The following VASP variants were observed in gnomAD, a reference collection of about 807,000 sequenced individuals.
VASP encodes the protein vasodilator stimulated phosphoprotein.
VASP carries 27 observed loss-of-function variants against 54.4 expected under a neutral mutation model. The ratio of observed to expected loss-of-function variants is 0.50; its 90% CI spans 0.37 to 0.68. The LOEUF (loss-of-function observed/expected upper bound fraction) is 0.68. VASP is among the 30% of genes least tolerant of loss of function. The probability of loss-of-function intolerance (pLI) is 0.00; values close to 1 mark genes in which losing one functional copy is unlikely to be tolerated. For synonymous variants in VASP, 233 were observed against 209.8 expected (o/e 1.11, Z -0.96); for missense variants, 488 against 528.3 (o/e 0.92, Z 0.75).
chr19:45,516,259 A>T (rs1968698955), intron 1 of VASP, among the ~76,000 whole-genome samples: 2 of 152,164 alleles, frequency 1.3e-5, no homozygotes, highest in Admixed American at 1.3e-4. Flanking sequence ...CTGTGTCTTC[A>T]TCCCCAGCCC....
chr19:45,517,738 C>T lies in VASP; in HGVS notation c.81C>T (p.Gly27=). 2.5e-6 allele frequency: 4 copies of T among 1,613,412 alleles called. No individual in the cohort carries two copies. The South Asian group carries it at 4.4e-5, about 18-fold the overall frequency. The part of the protein sequence containing the change: ...DDGNKRWLPA[G]TGPQAFSRVQ... ...GCAACAAGCGATGGCTCCCTGCTGG[C>T]ACGGGTCCCCAGGCCTTCAGCCGCG... Residue 27 remains glycine, a synonymous_variant, in exon 2 of 13, where the codon GGC becomes GGT. Coordinates refer to ENST00000245932, the MANE Select transcript of VASP (RefSeq NM_003370.4).
In VASP at chr19:45,526,248, A is replaced by T; in HGVS notation, c.*71A>T. 6.5e-7 allele frequency: 1 copy of T among 1,538,990 alleles called. No individual in the cohort carries two copies. Among genetic ancestry groups the T allele is most frequent in the Non-Finnish European group, 8.7e-7 (1 of 1,144,856 alleles). On this transcript the variant is annotated 3_prime_UTR_variant, in exon 13 of 13. Transcript: ENST00000245932. ...CTGTCACCCTGCTTTCCCTGCCTCTACTTGACTTGGAATTGGCTGAAGACT... is the reference window on the plus strand; with the variant it reads ...CTGTCACCCTGCTTTCCCTGCCTCTTCTTGACTTGGAATTGGCTGAAGACT...
At chr19:45,518,591 G>A (rs753012242) in intron 3 of VASP, among the ~76,000 whole-genome samples, 13 of 152,026 alleles carry the variant, frequency 8.6e-5, no homozygotes, top group African/African-American at 2.9e-4. Flanking sequence ...AAAAATGCAC[G>A]ATTACTCAGG....
chr19:45,518,174 T>C (rs1294088562), intron 3 of VASP, 80 bp downstream of exon 3: 3 of 1,520,148 alleles, frequency 2.0e-6, no homozygotes, highest in African/African-American at 2.8e-5. Flanking sequence ...TGCTGGGACT[T>C]GGTTTACTCG....
At position 45,513,468 on chromosome 19, in the gene VASP, C is replaced by CTTTTTTTTTTTTTTTTTTTTT. The variant is rs71173173; in HGVS notation, c.6-4194_6-4174dup. On this transcript the variant is annotated intron_variant, in intron 1 of 12. Transcript: ENST00000245932. ...CATCTTGCCCAAGCTAGTCTCTCTC[C>CTTTTTTTTTTTTTTTTTTTTT]TTTTTTTTTTTTTTTTTTTTTGAGA... is the stretch of plus-strand genomic sequence containing the variant. Among the ~76,000 whole-genome samples the CTTTTTTTTTTTTTTTTTTTTT allele has an allele frequency of 3.4e-4, 32 of 92,782 alleles. 1 individual carries two copies. Among genetic ancestry groups the CTTTTTTTTTTTTTTTTTTTTT allele is most frequent in the Non-Finnish European group, 4.7e-4 (23 of 49,412 alleles). 60.9% of individuals were successfully genotyped at this position (92,782 alleles called of 152,430 possible). A position where few individuals can be genotyped will look rare whatever the true frequency, so the allele number is the denominator to read the frequency against.
At chr19:45,522,625 T>TG (rs1448175457) in intron 6 of VASP, 44 bp downstream of exon 6, 1 of 1,525,768 alleles carries the variant, frequency 6.6e-7, no homozygotes, top group Non-Finnish European at 8.7e-7. Context: ...AGGGCTTTTA[T>TG]GGGGGATGAG....
chr19:45,517,708 T>G lies in VASP; in HGVS notation c.51T>G (p.Asp17Glu), dbSNP rs770634580. ...CSSRATVMLY[D>E]DGNKRWLPAG... The stretch of plus-strand genomic sequence containing the variant: ...GCCGGGCCACTGTGATGCTTTATGA[T>G]GATGGCAACAAGCGATGGCTCCCTG... Residue 17 changes from aspartate (D) to glutamate (E), a missense_variant, in exon 2 of 13, where the codon GAT becomes GAG. By Grantham distance (45) the Asp-to-Glu change is conservative. Around this residue, in one of 4 missense-constraint regions of VASP, gnomAD observed 127 missense variants for 170.7 expected, o/e 0.74. Transcript: ENST00000245932. The G allele has an allele frequency of 6.2e-7, 1 of 1,612,528 alleles. No homozygotes were observed.
In VASP at chr19:45,526,831, G is replaced by C. The variant is rs769141304; in HGVS notation, c.*654G>C. 20 of 152,018 alleles carry C rather than the reference G, an allele frequency of 1.3e-4. No homozygotes were observed. The highest frequency in any genetic ancestry group is 2.9e-4 in the Non-Finnish European group (20 of 67,998). 9.4% of individuals were successfully genotyped at this position (152,018 alleles called of 1,614,324 possible). A position where few individuals can be genotyped will look rare whatever the true frequency, so the allele number is the denominator to read the frequency against. On this transcript the variant is annotated 3_prime_UTR_variant, in exon 13 of 13. Transcript: ENST00000245932. The stretch of plus-strand genomic sequence containing the variant: ...CCTCAGTTTTTTGATTTTTTATTTG[G>C]GTAGGTTTTGGGGTCCAGGCCATTT...
chr19:45,525,367 C>T (rs990699902), intron 11 of VASP, among the ~76,000 whole-genome samples: 3 of 152,166 alleles, frequency 2.0e-5, no homozygotes, highest in Non-Finnish European at 4.4e-5. Flanking sequence ...GGTTCAAGAC[C>T]AGCCTGGCCA....
At chr19:45,522,895 C>G in intron 7 of VASP, 77 bp downstream of exon 7, 1 of 1,401,656 alleles carries the variant, frequency 7.1e-7, no homozygotes, top group Non-Finnish European at 9.7e-7. Flanking sequence ...GCTCCAATTC[C>G]TGTTTAGTTT....
At chr19:45,524,692 A>C (rs199502460) in intron 11 of VASP, 32 bp downstream of exon 11, 66 of 1,602,938 alleles carry the variant, frequency 4.1e-5, no homozygotes, top group Non-Finnish European at 5.4e-5. Flanking sequence ...GGACCACAGC[A>C]AGAGAGATCT....
intron 12 of VASP, 56 bp downstream of exon 12, chr19:45,526,059 A>G (rs1968958455): frequency 6.2e-6 from 10 of 1,613,616 alleles, no homozygotes; most frequent in African/African-American, 1.3e-5. Flanking sequence ...TGGAGGCATC[A>G]TGTCCCTGGG....
chr19:45,522,300 TTCTC>T, intron 5 of VASP, 36 bp from the exon 6 acceptor site: 1 of 1,613,672 alleles, frequency 6.2e-7, no homozygotes, highest in Middle Eastern at 1.7e-4. Flanking sequence ...AGAATGAGGC[TTCTC>T]TCTCTCAGCT....
intron 10 of VASP, 153 bp from the exon 11 acceptor site, chr19:45,524,417 C>T (rs1314260258): frequency 5.3e-6 from 4 of 753,788 alleles, no homozygotes; most frequent in Non-Finnish European, 8.6e-6. Flanking sequence ...CACAACAAAC[C>T]AAAACCAAAA....
intron 1 of VASP, among the ~76,000 whole-genome samples, chr19:45,511,921 C>T (rs535104658): frequency 8.5e-5 from 13 of 152,188 alleles, no homozygotes; most frequent in Non-Finnish European, 1.5e-4. Flanking sequence ...ATGTGGCAAA[C>T]GCCCAAACCC....
chr19:45,521,826 T>C (rs1313780814), intron 4 of VASP, among the ~76,000 whole-genome samples: 2 of 151,308 alleles, frequency 1.3e-5, no homozygotes, highest in African/African-American at 4.9e-5. Flanking sequence ...GAGGCAGAGG[T>C]TGCAGTGAGC....
rs376795932 is a variant in VASP at position 45,522,591 on chromosome 19, C to G, written c.720+10C>G. ...CAGGAAAGTCAGCAAGGTGAGGGGC[C>G]GGGAGAGGTGGGCAGGGGGCAACAG... On this transcript the variant is annotated intron_variant, in intron 6 of 12. Coordinates refer to ENST00000245932, the MANE Select transcript of VASP (RefSeq NM_003370.4). The G allele has an allele frequency of 1.6e-5, 24 of 1,478,952 alleles. No homozygotes were observed. The highest frequency in any genetic ancestry group is 1.9e-5 in the Non-Finnish European group (21 of 1,122,030). 91.6% of individuals were successfully genotyped at this position (1,478,952 alleles called of 1,614,324 possible). A position where few individuals can be genotyped will look rare whatever the true frequency, so the allele number is the denominator to read the frequency against.
intron 11 of VASP, chr19:45,525,096 A>C (rs9916945): frequency 0.75 from 122,670 of 163,994 alleles, 46,023 homozygotes; most frequent in South Asian, 0.83. Flanking sequence ...CAAACCTACT[A>C]CCCCTGGCTT....
In VASP at chr19:45,522,708, A is replaced by G; in HGVS notation, c.721-10A>G. ...CCCCTAAAGCTCCTGCCCCTTTTAA[A>G]TTTCTCCAGCAGGAGGAGGCCTCAG... is the stretch of plus-strand genomic sequence containing the variant. On this transcript the variant is annotated splice_polypyrimidine_tract_variant and intron_variant, in intron 6 of 12. Coordinates refer to ENST00000245932, the MANE Select transcript of VASP (RefSeq NM_003370.4). The G allele has an allele frequency of 6.2e-7, 1 of 1,602,996 alleles. No homozygotes were observed. The highest frequency in any genetic ancestry group is 1.1e-5 in the South Asian group (1 of 89,884).
Sources: allele counts gnomAD v4.1 joint callset (sites outside exome capture counted in the v4.1 genomes callset), GRCh38; gene constraint gnomAD v4.1.1; regional missense constraint gnomAD v4.1.1; transcripts MANE v1.5; gene names NCBI Gene and HGNC (gene_info 2026-07-23, HGNC 2026-07-21).